GFRA2: variants seen among roughly 807,000 people sequenced by gnomAD.
The protein encoded by GFRA2 is GDNF family receptor alpha 2.
Under a neutral mutation model 48.3 loss-of-function variants are expected in GFRA2, and 17 were observed. That is an observed-to-expected ratio of 0.35 (90% CI 0.24 to 0.53). The LOEUF (loss-of-function observed/expected upper bound fraction) is 0.53. Ranked by LOEUF, GFRA2 falls within the 20% of genes least tolerant of loss-of-function variation. The pLI, the probability that GFRA2 is intolerant of heterozygous loss-of-function variation, is 0.93. For missense variants in GFRA2, 660 were observed against 637.3 expected, an observed-to-expected ratio of 1.04 and a Z score of -0.38; for synonymous variants, 305 against 257.2, an observed-to-expected ratio of 1.19 and a Z score of -1.78.
At chr8:21,744,550 A>AACACACACACACACACACACACACACAC (rs71721911) in intron 4 of GFRA2, among the ~76,000 whole-genome samples, 9 of 140,144 alleles carry the variant, frequency 6.4e-5, no homozygotes, top group African/African-American at 2.3e-4. Flanking sequence ...AACCACCACC[A>AACACACACACACACACACACACACACAC]ACACACACAC....
At chr8:21,756,377 G>A (rs1805569596) in intron 3 of GFRA2, among the ~76,000 whole-genome samples, 1 of 152,238 alleles carries the variant, frequency 6.6e-6, no homozygotes, top group Non-Finnish European at 1.5e-5. Flanking sequence ...CAGGAACCGG[G>A]TTTGAGTGGG....
intron 3 of GFRA2, among the ~76,000 whole-genome samples, chr8:21,766,189 AT>A (rs1356458112): frequency 6.6e-6 from 1 of 151,746 alleles, no homozygotes; most frequent in Non-Finnish European, 1.5e-5. Flanking sequence ...TCCATCTGCC[AT>A]TTCCCTCATC....
intron 4 of GFRA2, among the ~76,000 whole-genome samples, chr8:21,722,168 C>A (rs1803631999): frequency 6.6e-6 from 1 of 152,158 alleles, no homozygotes. Flanking sequence ...TAATTACACA[C>A]CCCCATGCTA....
intron 8 of GFRA2, 137 bp from the exon 9 acceptor site, chr8:21,693,537 G>A: frequency 1.3e-6 from 1 of 761,292 alleles, no homozygotes; most frequent in Admixed American, 2.9e-5. Context: ...CCACCCACAG[G>A]GACCCTCCTT....
chr8:21,783,020 A>T, intron 1 of GFRA2, 121 bp from the exon 2 acceptor site: 1 of 923,660 alleles, frequency 1.1e-6, no homozygotes, highest in Non-Finnish European at 1.7e-6. Flanking sequence ...AAAGCACACC[A>T]AGGCGACTCT....
In GFRA2 at chr8:21,706,876, T is replaced by C. The variant is rs114009526; in HGVS notation, c.795-835A>G. Among the ~76,000 whole-genome samples the C allele has an allele frequency of 3.1e-3, 473 of 152,302 alleles. 4 individuals carry two copies. The highest frequency in any genetic ancestry group is 0.011 in the African/African-American group (459 of 41,564). ...TAGACATGGAAGGTTCCATGGAACATGGGGAATCCAAGTCTAATATGCATG... is the reference window on the plus strand; with the variant it reads ...TAGACATGGAAGGTTCCATGGAACACGGGGAATCCAAGTCTAATATGCATG... On this transcript the variant is annotated intron_variant, in intron 4 of 8. Transcript: ENST00000524240.
intron 2 of GFRA2, among the ~76,000 whole-genome samples, chr8:21,776,385 A>G (rs75936552): frequency 0.078 from 11,844 of 151,868 alleles, 619 homozygotes; most frequent in East Asian, 0.21. Flanking sequence ...CACCTCCTAA[A>G]AGCAACCCTC....
chr8:21,723,903 C>T (rs1354688405), intron 4 of GFRA2, among the ~76,000 whole-genome samples: 1 of 152,030 alleles, frequency 6.6e-6, no homozygotes, highest in Non-Finnish European at 1.5e-5. Context: ...AGGGGAGTCC[C>T]CACAGCAGGT....
At chr8:21,701,258 T>A (rs1585226310) in intron 7 of GFRA2, among the ~76,000 whole-genome samples, 1 of 152,142 alleles carries the variant, frequency 6.6e-6, no homozygotes, top group East Asian at 1.9e-4. Flanking sequence ...GCTGGGCATG[T>A]TGGCGGGTGC....
Position 21,691,115 on chromosome 8 carries a change from G to A in GFRA2, c.*2163C>T, listed in dbSNP as rs556086690. Reference sequence around the variant, plus strand: ...TTGAGGGGACCTGCGATTGGGAGATGGGAAAACTGCATCCTATTGTCCAGT... The same window carrying A: ...TTGAGGGGACCTGCGATTGGGAGATAGGAAAACTGCATCCTATTGTCCAGT... On this transcript the variant is annotated 3_prime_UTR_variant, in exon 9 of 9. Coordinates refer to ENST00000524240, the MANE Select transcript of GFRA2 (RefSeq NM_001495.5). 1.4e-3 allele frequency: 212 copies of A among 152,334 alleles called. 2 individuals are homozygous for A. Among genetic ancestry groups the A allele is most frequent in the African/African-American group, 4.9e-3 (204 of 41,560 alleles). The allele number at this position is 152,334 out of a possible 1,614,324, so 9.4% of individuals were successfully genotyped here. A position where few individuals can be genotyped will look rare whatever the true frequency, so the allele number is the denominator to read the frequency against.
At chr8:21,784,651 G>A (rs1807180609) in intron 1 of GFRA2, among the ~76,000 whole-genome samples, 1 of 152,330 alleles carries the variant, frequency 6.6e-6, no homozygotes, top group Non-Finnish European at 1.5e-5. Flanking sequence ...AAGAACAGCA[G>A]GGATGGGCCT....
chr8:21,731,233 C>A (rs955912997), intron 4 of GFRA2, among the ~76,000 whole-genome samples: 1 of 152,134 alleles, frequency 6.6e-6, no homozygotes, highest in Admixed American at 6.5e-5. Flanking sequence ...GGTGCCATAA[C>A]CCCACCCACT....
At chr8:21,773,069 G>A (rs997730068) in intron 3 of GFRA2, among the ~76,000 whole-genome samples, 1 of 152,196 alleles carries the variant, frequency 6.6e-6, no homozygotes, top group African/African-American at 2.4e-5. Context: ...ACCTGCTTCT[G>A]AGCCCCAGAG....
intron 3 of GFRA2, among the ~76,000 whole-genome samples, chr8:21,760,384 C>A (rs929691761): frequency 6.6e-5 from 10 of 152,038 alleles, no homozygotes; most frequent in African/African-American, 1.5e-4. Context: ...GCAGAGAGGG[C>A]AAAATGTGAA....
At chr8:21,721,084 T>C (rs555090725) in intron 4 of GFRA2, among the ~76,000 whole-genome samples, 4 of 151,988 alleles carry the variant, frequency 2.6e-5, no homozygotes, top group African/African-American at 9.6e-5. Flanking sequence ...TCTGGAGGCA[T>C]GGAGGACTTT....
intron 4 of GFRA2, among the ~76,000 whole-genome samples, chr8:21,743,810 A>T (rs747643008): frequency 1.3e-5 from 2 of 152,176 alleles, no homozygotes; most frequent in Non-Finnish European, 2.9e-5. Context: ...CCAGACTCAA[A>T]ATCCTTCTCT....
intron 2 of GFRA2, among the ~76,000 whole-genome samples, chr8:21,799,808 G>A (rs1046803712): frequency 3.9e-5 from 6 of 152,152 alleles, no homozygotes; most frequent in Admixed American, 6.5e-5. Context: ...CAACAGTCCT[G>A]GAAACACAGG....
intron 4 of GFRA2, among the ~76,000 whole-genome samples, chr8:21,729,611 A>G (rs1804079074): frequency 6.6e-6 from 1 of 152,154 alleles, no homozygotes; most frequent in Non-Finnish European, 1.5e-5. Context: ...GAGCACCTAC[A>G]ATGTTGTCAA....
At chr8:21,713,057 CGAGGGAAAGGGA>C (rs1563222292) in intron 4 of GFRA2, among the ~76,000 whole-genome samples, 40 of 129,302 alleles carry the variant, frequency 3.1e-4, no homozygotes, top group African/African-American at 1.5e-3. Flanking sequence ...GAGAGGGAGA[CGAGGGAAAGGGA>C]GAGGGAGAGG....
Sources: allele counts gnomAD v4.1 joint callset (sites outside exome capture counted in the v4.1 genomes callset), GRCh38; gene constraint gnomAD v4.1.1; transcripts MANE v1.5; gene names NCBI Gene and HGNC (gene_info 2026-07-23, HGNC 2026-07-21).